PDE6D: variants seen among roughly 807,000 people sequenced by gnomAD.
PDE6D encodes phosphodiesterase 6D.
Under a neutral mutation model 21.9 loss-of-function variants are expected in PDE6D, and 10 were observed. That is an observed-to-expected ratio of 0.46 (90% CI 0.28 to 0.78). PDE6D has a LOEUF of 0.78. PDE6D is among the 30% of genes least tolerant of loss of function. PDE6D has a pLI of 0.12. For missense variants in PDE6D, 139 were observed against 184.8 expected (o/e 0.75, Z 1.44); for synonymous variants, 59 against 63.5 (o/e 0.93, Z 0.34).
intron 1 of PDE6D, among the ~76,000 whole-genome samples, chr2:231,746,125 AT>A (rs2048791826): frequency 6.6e-6 from 1 of 151,974 alleles, no homozygotes; most frequent in African/African-American, 2.4e-5. Flanking sequence ...AGTGTATTTT[AT>A]TTTTTAATTT....
At chr2:231,778,729 T>C (rs1261251534) in intron 1 of PDE6D, 1 of 152,256 alleles carries the variant, frequency 6.6e-6, no homozygotes, top group Admixed American at 6.5e-5. Context: ...GCAGGCAGTA[T>C]AGAGACATAG....
intron 1 of PDE6D, among the ~76,000 whole-genome samples, chr2:231,740,741 GT>G (rs2048741928): frequency 6.8e-6 from 1 of 147,244 alleles, no homozygotes. Flanking sequence ...TCCAAGAATA[GT>G]CCAAGAGTTC....
At chr2:231,771,308 C>A (rs2049014064) in intron 1 of PDE6D, among the ~76,000 whole-genome samples, 2 of 152,096 alleles carry the variant, frequency 1.3e-5, no homozygotes, top group Admixed American at 1.3e-4. Flanking sequence ...AATAATACAA[C>A]AACAAAAGAA....
At chr2:231,765,755 G>T (rs931651423) in intron 1 of PDE6D, among the ~76,000 whole-genome samples, 3 of 152,036 alleles carry the variant, frequency 2.0e-5, no homozygotes, top group African/African-American at 7.3e-5. Flanking sequence ...TTCATTACAG[G>T]GCTGTCTGTC....
At chr2:231,762,281 T>C (rs2048936840) in intron 1 of PDE6D, among the ~76,000 whole-genome samples, 1 of 151,850 alleles carries the variant, frequency 6.6e-6, no homozygotes, top group Non-Finnish European at 1.5e-5. Flanking sequence ...TCCTCTTTTC[T>C]ATCCCTTGAA....
intron 1 of PDE6D, among the ~76,000 whole-genome samples, chr2:231,742,538 T>C (rs1010984007): frequency 6.6e-6 from 1 of 152,192 alleles, no homozygotes; most frequent in Non-Finnish European, 1.5e-5. Flanking sequence ...GACAAACCAT[T>C]AAAGGAAAAG....
At chr2:231,749,925 A>C (rs1213762949) in intron 1 of PDE6D, among the ~76,000 whole-genome samples, 2 of 152,106 alleles carry the variant, frequency 1.3e-5, no homozygotes, top group African/African-American at 4.8e-5. Context: ...CTGGTTTTGA[A>C]GTGTGAGGAC....
intron 1 of PDE6D, among the ~76,000 whole-genome samples, chr2:231,767,839 CTTTTTTT>C (rs59912776): frequency 1.1e-4 from 15 of 137,922 alleles, no homozygotes; most frequent in Middle Eastern, 3.7e-3. Context: ...TTTAACTATT[CTTTTTTT>C]TTTTTTTTTC....
intron 4 of PDE6D, among the ~76,000 whole-genome samples, chr2:231,734,337 CTT>C (rs1277501040): frequency 4.0e-5 from 6 of 151,706 alleles, no homozygotes; most frequent in South Asian, 2.1e-4. Flanking sequence ...GCATTTTTGA[CTT>C]ATGATATTTT....
chr2:231,762,712 G>A (rs1046615830), intron 1 of PDE6D, among the ~76,000 whole-genome samples: 24 of 152,114 alleles, frequency 1.6e-4, no homozygotes, highest in Admixed American at 1.2e-3. Context: ...CTTAATGGAC[G>A]TAGAAGGCTT....
chr2:231,780,492 G>A (rs958651628), intron 1 of PDE6D, among the ~76,000 whole-genome samples: 3 of 152,210 alleles, frequency 2.0e-5, no homozygotes, highest in Admixed American at 1.3e-4. Context: ...CCTGGAAGAA[G>A]CCACAAGTTT....
intron 1 of PDE6D, among the ~76,000 whole-genome samples, chr2:231,753,953 C>T (rs1649780995): frequency 6.6e-6 from 1 of 152,224 alleles, no homozygotes. Flanking sequence ...ATACTATGCA[C>T]ATATGCCCCT....
chr2:231,768,768 A>T (rs2048992378), intron 1 of PDE6D: 1 of 152,172 alleles, frequency 6.6e-6, no homozygotes, highest in Non-Finnish European at 1.5e-5. Flanking sequence ...TTTCCACAGT[A>T]CTTGATACTA....
At position 231,737,819 on chromosome 2, in the gene PDE6D, AG is replaced by A. The variant is rs1382520542; in HGVS notation, c.265+193del. On this transcript the variant is annotated intron_variant, in intron 3 of 4. Transcript: ENST00000287600. ...ACGCTCCCAGTGTCAGAGACCTCAA[AG>A]CCCCTTGTAGTGGCTAGCTTTGTTT... 27 of 544,320 alleles carry A rather than the reference AG, an allele frequency of 5.0e-5. No homozygotes were observed. In the East Asian group the frequency reaches 8.3e-4, roughly 17 times the overall value. 33.7% of individuals were successfully genotyped at this position (544,320 alleles called of 1,614,324 possible).
At chr2:231,776,321 CAAA>C (rs1008155828) in intron 1 of PDE6D, among the ~76,000 whole-genome samples, 1 of 54,050 alleles carries the variant, frequency 1.9e-5, no homozygotes, top group Non-Finnish European at 3.5e-5. Flanking sequence ...GACTCCGTCT[CAAA>C]AAAAAAAAAA....
intron 1 of PDE6D, among the ~76,000 whole-genome samples, chr2:231,769,214 CGTACAG>C (rs1456258858): frequency 2.0e-5 from 3 of 152,128 alleles, no homozygotes; most frequent in African/African-American, 7.2e-5. Flanking sequence ...TGATATGCCA[CGTACAG>C]ATTCTGTTAA....
At chr2:231,759,342 A>C (rs1574628844) in intron 1 of PDE6D, among the ~76,000 whole-genome samples, 1 of 152,206 alleles carries the variant, frequency 6.6e-6, no homozygotes, top group African/African-American at 2.4e-5. Context: ...GCAATTTTAA[A>C]GAGGAAAAAA....
intron 3 of PDE6D, 190 bp from the exon 4 acceptor site, chr2:231,737,482 A>G: frequency 2.0e-6 from 1 of 507,380 alleles, no homozygotes; most frequent in Admixed American, 3.5e-5. Context: ...AACCACACCA[A>G]AGGCTTGCTT....
At chr2:231,752,401 A>G (rs2048846386) in intron 1 of PDE6D, among the ~76,000 whole-genome samples, 1 of 152,244 alleles carries the variant, frequency 6.6e-6, no homozygotes, top group Non-Finnish European at 1.5e-5. Flanking sequence ...GATTATATGA[A>G]ATGCCTACAA....
Sources: allele counts gnomAD v4.1 joint callset (sites outside exome capture counted in the v4.1 genomes callset), GRCh38; gene constraint gnomAD v4.1.1; transcripts MANE v1.5; gene names NCBI Gene and HGNC (gene_info 2026-07-23, HGNC 2026-07-21).